The following PPM1K variants were observed in gnomAD, a reference collection of about 807,000 sequenced individuals.
PPM1K encodes protein phosphatase Mn(2+)-dependent 1K.
PPM1K carries 19 observed loss-of-function variants against 32.6 expected under a neutral mutation model. That is an observed-to-expected ratio of 0.58 (90% CI 0.41 to 0.86). PPM1K has a LOEUF of 0.86. Among genes scored for constraint, PPM1K ranks in the 40% least tolerant of loss-of-function variants. The probability of loss-of-function intolerance (pLI) is 0.00; values close to 1 mark genes in which losing one functional copy is unlikely to be tolerated. For synonymous variants in PPM1K, 159 were observed against 165.3 expected, an observed-to-expected ratio of 0.96 and a Z score of 0.29; for missense variants, 362 against 461.2, an observed-to-expected ratio of 0.78 and a Z score of 1.97.
At chr4:88,267,275 G>A (rs1212920768) in intron 5 of PPM1K, among the ~76,000 whole-genome samples, 3 of 149,994 alleles carry the variant, frequency 2.0e-5, no homozygotes, top group Admixed American at 6.7e-5. Context: ...TGGCTGATTG[G>A]GTGCAGGTGA....
intron 1 of PPM1K, among the ~76,000 whole-genome samples, chr4:88,281,097 G>A (rs888695816): frequency 2.0e-5 from 3 of 151,876 alleles, no homozygotes; most frequent in Non-Finnish European, 4.4e-5. Flanking sequence ...AATTCCCAAA[G>A]CAGCTTTATA....
intron 6 of PPM1K, 57 bp from the exon 7 acceptor site, chr4:88,262,783 G>C (rs1163014074): frequency 1.3e-6 from 2 of 1,533,132 alleles, no homozygotes; most frequent in Non-Finnish European, 1.8e-6. Context: ...TCTATACAAA[G>C]AGAAATCAGC....
Position 88,260,139 on chromosome 4 carries a change from C to G in PPM1K, c.*2456G>C, listed in dbSNP as rs1731064831. On this transcript the variant is annotated 3_prime_UTR_variant, in exon 7 of 7. Transcript: ENST00000608933. ...CGATCTCGACTCACTGCAACCTCCG[C>G]CTCCCAGGTTCAAGCAATTCTCCTT... 6.6e-6 allele frequency: 1 copy of G among 152,246 alleles called. No homozygotes were observed. The allele number at this position is 152,246 out of a possible 1,614,324, so 9.4% of individuals were successfully genotyped here.
At chr4:88,262,936 CA>C (rs1731178599) in intron 6 of PPM1K, among the ~76,000 whole-genome samples, 1 of 152,328 alleles carries the variant, frequency 6.6e-6, no homozygotes, top group African/African-American at 2.4e-5. Context: ...CACGGAATAA[CA>C]GATGACCCAA....
In PPM1K at chr4:88,268,248, C is replaced by T; in HGVS notation, c.794G>A (p.Gly265Glu). The T allele has an allele frequency of 6.2e-7, 1 of 1,614,138 alleles. No individual in the cohort carries two copies. Among genetic ancestry groups the T allele is most frequent in the Non-Finnish European group, 8.5e-7 (1 of 1,180,014 alleles). The part of the protein sequence containing the change: ...NGRLAMTRSI[G>E]DLDLKTSGVI... ...ACCACTGGTCTTAAGGTCCAAATCT[C>T]CAATACTTCTTGTCATTGCAAGCCT... Residue 265 changes from glycine to glutamate, a missense_variant, in exon 5 of 7, where the codon GGA becomes GAA. Physicochemically the swap from Gly to Glu is moderately conservative, Grantham distance 98. Transcript: ENST00000608933.
At chr4:88,272,767 G>A (rs1731615470) in intron 3 of PPM1K, among the ~76,000 whole-genome samples, 1 of 152,188 alleles carries the variant, frequency 6.6e-6, no homozygotes, top group Non-Finnish European at 1.5e-5. Context: ...AGGGAATCTT[G>A]TTCTTGCCAT....
intron 3 of PPM1K, among the ~76,000 whole-genome samples, chr4:88,272,133 A>G (rs999305393): frequency 6.6e-6 from 1 of 152,058 alleles, no homozygotes; most frequent in Non-Finnish European, 1.5e-5. Flanking sequence ...ATACAGTTTC[A>G]ATATTTATTA....
chr4:88,280,492 C>T (rs139696106), intron 1 of PPM1K, among the ~76,000 whole-genome samples: 3 of 152,272 alleles, frequency 2.0e-5, no homozygotes, highest in African/African-American at 7.2e-5. Flanking sequence ...TGGCCGGACC[C>T]GGTGGCTCAC....
intron 3 of PPM1K, among the ~76,000 whole-genome samples, chr4:88,269,124 G>A (rs912347849): frequency 5.9e-5 from 9 of 152,312 alleles, no homozygotes; most frequent in South Asian, 4.1e-4. Context: ...CCATGCAAAC[G>A]GAAAGGTTGC....
chr4:88,276,139 T>C, intron 3 of PPM1K: 1 of 985,370 alleles, frequency 1.0e-6, no homozygotes, highest in Non-Finnish European at 1.2e-6. Context: ...GTCAGGAAAA[T>C]CCCAGCCCTA....
At chr4:88,277,612 C>A in intron 2 of PPM1K, 1 of 199,974 alleles carries the variant, frequency 5.0e-6, no homozygotes, top group Non-Finnish European at 1.0e-5. Flanking sequence ...AACTCCATCA[C>A]ATGTTCTCCC....
At chr4:88,263,997 A>G (rs888902038) in intron 6 of PPM1K, among the ~76,000 whole-genome samples, 2 of 152,238 alleles carry the variant, frequency 1.3e-5, no homozygotes, top group African/African-American at 4.8e-5. Context: ...TAAGAATAAA[A>G]TGGAACACTA....
At chr4:88,273,246 G>C (rs1418474260) in intron 3 of PPM1K, among the ~76,000 whole-genome samples, 1 of 152,208 alleles carries the variant, frequency 6.6e-6, no homozygotes, top group Non-Finnish European at 1.5e-5. Context: ...AGGAGTCCGT[G>C]GCAAGGCTTC....
chr4:88,260,548 T>G lies in PPM1K; in HGVS notation c.*2047A>C, dbSNP rs1731079454. The G allele has an allele frequency of 6.6e-6, 1 of 152,070 alleles. No homozygotes were observed. Among genetic ancestry groups the G allele is most frequent in the Non-Finnish European group, 1.5e-5 (1 of 68,014 alleles). 9.4% of individuals were successfully genotyped at this position (152,070 alleles called of 1,614,324 possible). A position where few individuals can be genotyped will look rare whatever the true frequency, so the allele number is the denominator to read the frequency against. ...CAGACAACAAACAGAATGTTAACAG[T>G]CTTTCCTGTGATGTTTTTCCTTCTT... On this transcript the variant is annotated 3_prime_UTR_variant, in exon 7 of 7. Transcript: ENST00000608933.
chr4:88,262,689 A>G lies in PPM1K; in HGVS notation c.1025T>C (p.Val342Ala), dbSNP rs752339552. The G allele has an allele frequency of 1.2e-6, 2 of 1,614,098 alleles. No individual in the cohort carries two copies. Among genetic ancestry groups the G allele is most frequent in the Non-Finnish European group, 1.7e-6 (2 of 1,179,972 alleles). ...TCCCCAGGCACCAAAAGGCACTACT[A>G]CTGCAGTACTGTTATCCTCAGTACC... ...QYGTEDNSTA[V>A]VVPFGAWGKY... Residue 342 changes from valine (V) to alanine (A), a missense_variant, in exon 7 of 7, where the codon GTA becomes GCA. Transcript: ENST00000608933.
At chr4:88,263,807 A>T (rs1731212683) in intron 6 of PPM1K, among the ~76,000 whole-genome samples, 1 of 152,116 alleles carries the variant, frequency 6.6e-6, no homozygotes, top group Non-Finnish European at 1.5e-5. Context: ...CATAGCTGGG[A>T]CTATACATGC....
In PPM1K at chr4:88,259,417, CA is replaced by C. The variant is rs1305066895; in HGVS notation, c.*3177del. 2 of 152,042 alleles carry C rather than the reference CA, an allele frequency of 1.3e-5. No homozygotes were observed. The highest frequency in any genetic ancestry group is 2.9e-5 in the Non-Finnish European group (2 of 68,002). 9.4% of individuals were successfully genotyped at this position (152,042 alleles called of 1,614,324 possible). A position where few individuals can be genotyped will look rare whatever the true frequency, so the allele number is the denominator to read the frequency against. On this transcript the variant is annotated 3_prime_UTR_variant, in exon 7 of 7. Coordinates refer to ENST00000608933, the MANE Select transcript of PPM1K (RefSeq NM_152542.5). ...GAATATTTCACCAAATAGATGGTGG[CA>C]AATAGTTTGGCAACACATATTAGAA...
At chr4:88,280,047 C>T (rs1377525011) in intron 1 of PPM1K, among the ~76,000 whole-genome samples, 6 of 152,096 alleles carry the variant, frequency 3.9e-5, no homozygotes, top group South Asian at 2.1e-4. Context: ...TTACTTCTTT[C>T]GGTGGGTAAA....
At chr4:88,266,729 T>C (rs1731326786) in intron 5 of PPM1K, among the ~76,000 whole-genome samples, 1 of 139,530 alleles carries the variant, frequency 7.2e-6, no homozygotes, top group Admixed American at 7.5e-5. Flanking sequence ...TGATGCTGAT[T>C]GGGTGCAGGT....
Sources: allele counts gnomAD v4.1 joint callset (sites outside exome capture counted in the v4.1 genomes callset), GRCh38; gene constraint gnomAD v4.1.1; transcripts MANE v1.5; gene names NCBI Gene and HGNC (gene_info 2026-07-23, HGNC 2026-07-21).